Variants in GUCY2C observed in about 807,000 individuals in gnomAD.
GUCY2C encodes guanylate cyclase 2C, also known as guanylyl cyclase C.
In GUCY2C, 118 loss-of-function variants were observed where a neutral mutation model predicts 131.1. The observed-to-expected ratio is 0.90, with a 90% confidence interval of 0.78 to 1.05. The LOEUF (loss-of-function observed/expected upper bound fraction) is 1.05, where lower values mean the gene tolerates loss of function less well. Ranked by LOEUF, GUCY2C falls within the 50% of genes least tolerant of loss-of-function variation. The probability of loss-of-function intolerance (pLI) is 0.00; values close to 1 mark genes in which losing one functional copy is unlikely to be tolerated. For synonymous variants in GUCY2C, 452 were observed against 457.8 expected, an observed-to-expected ratio of 0.99 and a Z score of 0.16; for missense variants, 1,161 against 1,304.4, an observed-to-expected ratio of 0.89 and a Z score of 1.69.
chr12:14,680,853 A>G (rs1948334603), intron 5 of GUCY2C, among the ~76,000 whole-genome samples: 1 of 152,148 alleles, frequency 6.6e-6, no homozygotes, highest in Non-Finnish European at 1.5e-5. Context: ...CTTGGTCTCT[A>G]GCTGGTAGAT....
intron 14 of GUCY2C, 101 bp from the exon 15 acceptor site, chr12:14,651,612 A>G (rs921800093): frequency 1.5e-6 from 1 of 679,928 alleles, no homozygotes; most frequent in Non-Finnish European, 2.7e-6. Flanking sequence ...GATCTTTGAG[A>G]AGATGTGTTG....
chr12:14,615,774 G>A (rs1946750154), intron 25 of GUCY2C, among the ~76,000 whole-genome samples: 1 of 151,948 alleles, frequency 6.6e-6, no homozygotes, highest in Admixed American at 6.6e-5. Context: ...TACTTATGGA[G>A]GACTCAAAAA....
intron 11 of GUCY2C, among the ~76,000 whole-genome samples, chr12:14,657,297 T>C (rs1947782930): frequency 6.6e-6 from 1 of 152,216 alleles, no homozygotes; most frequent in Non-Finnish European, 1.5e-5. Flanking sequence ...AAATGTTAAT[T>C]TTTAATCCAG....
At chr12:14,627,551 A>G (rs117840603) in intron 20 of GUCY2C, among the ~76,000 whole-genome samples, 1 of 152,174 alleles carries the variant, frequency 6.6e-6, no homozygotes, top group African/African-American at 2.4e-5. Flanking sequence ...GAGCTATTAA[A>G]AATCCTGACA....
rs368491446 is a variant in GUCY2C at position 14,639,476 on chromosome 12, G to A, written c.2157+386C>T. ...GAATGCTACCTTATTTGGAAAAAGA[G>A]CCTTTGCAGATATAATTAAGTTACA... On this transcript the variant is annotated intron_variant, in intron 19 of 26. Coordinates refer to ENST00000261170, the MANE Select transcript of GUCY2C (RefSeq NM_004963.4). Among the ~76,000 whole-genome samples, 10 of 152,248 alleles carry A rather than the reference G, an allele frequency of 6.6e-5. No individual in the cohort carries two copies. In the East Asian group the frequency reaches 9.7e-4, roughly 15 times the overall value.
At position 14,651,873 on chromosome 12, in the gene GUCY2C, C is replaced by T. The variant is rs7313692; in HGVS notation, c.1605+86G>A. The stretch of plus-strand genomic sequence containing the variant: ...TTTCTTGGCCTGAGGGCTTTTCTGT[C>T]AGCCTCTTACTCCACCAGCAACCTC... On this transcript the variant is annotated intron_variant, in intron 14 of 26. Coordinates refer to ENST00000261170, the MANE Select transcript of GUCY2C (RefSeq NM_004963.4). 12,476 of 723,702 alleles carry T rather than the reference C, an allele frequency of 0.017. 840 individuals carry two copies. The highest frequency in any genetic ancestry group is 0.17 in the African/African-American group (9,326 of 56,358). The allele number at this position is 723,702 out of a possible 1,614,324, so 44.8% of individuals were successfully genotyped here.
intron 23 of GUCY2C, 38 bp downstream of exon 23, chr12:14,621,004 A>T (rs372956745): frequency 4.5e-6 from 7 of 1,548,440 alleles, no homozygotes; most frequent in East Asian, 2.3e-5. Context: ...ACAGCAGTAC[A>T]TATGGTTCCC....
intron 19 of GUCY2C, among the ~76,000 whole-genome samples, chr12:14,632,117 C>G (rs543828116): frequency 6.6e-6 from 1 of 152,218 alleles, no homozygotes; most frequent in African/African-American, 2.4e-5. Flanking sequence ...ATTGTAGATT[C>G]TGGATATTAG....
intron 11 of GUCY2C, among the ~76,000 whole-genome samples, chr12:14,658,556 A>G (rs12818157): frequency 1.4e-4 from 22 of 152,136 alleles, no homozygotes; most frequent in South Asian, 8.3e-4. Flanking sequence ...CACGCCTGTA[A>G]TTGTACCTAC....
chr12:14,616,266 C>G (rs1565602459), intron 25 of GUCY2C, among the ~76,000 whole-genome samples: 1 of 152,096 alleles, frequency 6.6e-6, no homozygotes, highest in Non-Finnish European at 1.5e-5. Context: ...GACCTCAGAT[C>G]ATAGCAGCAG....
chr12:14,686,336 A>G, intron 2 of GUCY2C, 111 bp from the exon 3 acceptor site: 3 of 736,172 alleles, frequency 4.1e-6, no homozygotes, highest in South Asian at 1.6e-5. Flanking sequence ...TGGGCCTCCC[A>G]AAATGCTCAA....
At position 14,613,953 on chromosome 12, in the gene GUCY2C, CT is replaced by C. The variant is rs1173141121; in HGVS notation, c.3048-663del. 6.6e-6 allele frequency among the ~76,000 whole-genome samples: 1 copy of C among 152,112 alleles called. No individual in the cohort carries two copies. The highest frequency in any genetic ancestry group is 1.5e-5 in the Non-Finnish European group (1 of 68,002). ...GAGAAGTGAAACCTGTCAGTTAACC[CT>C]GAAACTTTGTCTTCCTCATCTCAGG... On this transcript the variant is annotated intron_variant, in intron 26 of 26. Transcript: ENST00000261170. This position sits in a 1 kb window ranked among gnomAD's most constrained non-coding sequence, Gnocchi z 4.9.
At chr12:14,639,194 A>C (rs564597705) in intron 19 of GUCY2C, among the ~76,000 whole-genome samples, 3 of 150,274 alleles carry the variant, frequency 2.0e-5, no homozygotes, top group South Asian at 2.1e-4. Flanking sequence ...GCTACTCAGG[A>C]GGCCGAGGCA....
intron 26 of GUCY2C, among the ~76,000 whole-genome samples, chr12:14,614,018 C>G (rs1006331827): frequency 3.9e-5 from 6 of 152,086 alleles, no homozygotes; most frequent in African/African-American, 1.4e-4. Context: ...GAACCGCAGT[C>G]TTGGGGTTGG....
intron 19 of GUCY2C, among the ~76,000 whole-genome samples, chr12:14,630,607 A>G (rs1947122681): frequency 6.6e-6 from 1 of 152,186 alleles, no homozygotes; most frequent in African/African-American, 2.4e-5. Context: ...AGTACATAGG[A>G]TAATGTATGC....
intron 1 of GUCY2C, among the ~76,000 whole-genome samples, chr12:14,695,288 C>G (rs1948636798): frequency 6.6e-6 from 1 of 152,012 alleles, no homozygotes; most frequent in Non-Finnish European, 1.5e-5. Context: ...TTACACATTT[C>G]ATGTAATGTT....
rs374824067 is a variant in GUCY2C at position 14,651,409 on chromosome 12, G to A, written c.1708C>T (p.Arg570Trp). 46 of 1,452,968 alleles carry A rather than the reference G, an allele frequency of 3.2e-5. No individual in the cohort carries two copies. Among genetic ancestry groups the A allele is most frequent in the Non-Finnish European group, 4.1e-5 (42 of 1,035,074 alleles). The allele number at this position is 1,452,968 out of a possible 1,614,324, so 90.0% of individuals were successfully genotyped here. ...VIEYCERGSL[R>W]EVLNDTISYP... ...TGGAAATGACCATGGTTTCTTACCC[G>A]GAGGGATCCTCTCTCACAGTATTCT... The change falls in exon 15 of 27, where the codon CGG becomes TGG. Residue 570 changes from arginine to tryptophan, a missense_variant and splice_region_variant. Coordinates refer to ENST00000261170, the MANE Select transcript of GUCY2C (RefSeq NM_004963.4).
rs3217210 is a variant in GUCY2C at position 14,628,744 on chromosome 12, GA to G, written c.2158-8del. On this transcript the variant is annotated splice_region_variant and splice_polypyrimidine_tract_variant and intron_variant, in intron 19 of 26. Transcript: ENST00000261170. ...TTTTTACAAGTAGGTACACCTGGAA[GA>G]AAAAAAAACGGGCAAATTAGCTAAG... 8.7e-4 allele frequency: 1,167 copies of G among 1,339,722 alleles called. 4 individuals carry two copies. The highest frequency in any genetic ancestry group is 1.0e-3 in the East Asian group (43 of 42,976). The allele number at this position is 1,339,722 out of a possible 1,614,324, so 83.0% of individuals were successfully genotyped here. A position where few individuals can be genotyped will look rare whatever the true frequency, so the allele number is the denominator to read the frequency against.
chr12:14,634,472 C>A (rs1478963891), intron 19 of GUCY2C, among the ~76,000 whole-genome samples: 1 of 151,944 alleles, frequency 6.6e-6, no homozygotes, highest in Non-Finnish European at 1.5e-5. Flanking sequence ...AGCAATCACA[C>A]AAAGAGGGAA....
Sources: allele counts gnomAD v4.1 joint callset (sites outside exome capture counted in the v4.1 genomes callset), GRCh38; gene constraint gnomAD v4.1.1; non-coding constraint Gnocchi (gnomAD v3.1); transcripts MANE v1.5; gene names NCBI Gene and HGNC (gene_info 2026-07-23, HGNC 2026-07-21).